The following ADCY2 variants were observed in gnomAD, a reference collection of about 807,000 sequenced individuals.
ADCY2 encodes the protein adenylate cyclase type 2.
In ADCY2, 31 loss-of-function variants were observed where a neutral mutation model predicts 125.2. That is an observed-to-expected ratio of 0.25 (90% CI 0.19 to 0.33). The LOEUF (loss-of-function observed/expected upper bound fraction) is 0.33, where lower values mean the gene tolerates loss of function less well. ADCY2 is among the 10% of genes least tolerant of loss of function. The probability of loss-of-function intolerance (pLI) is 1.00; values close to 1 mark genes in which losing one functional copy is unlikely to be tolerated. For synonymous variants in ADCY2, 512 were observed against 548.4 expected, an observed-to-expected ratio of 0.93 and a Z score of 0.93; for missense variants, 904 against 1,418.2, an observed-to-expected ratio of 0.64 and a Z score of 5.82.
intron 24 of ADCY2, among the ~76,000 whole-genome samples, chr5:7,825,223 C>CCACGACAACGCTGCTGTGTGA: frequency 6.8e-6 from 1 of 146,374 alleles, no homozygotes; most frequent in African/African-American, 2.7e-5. Flanking sequence ...CTGCTGTGCG[C>CCACGACAACGCTGCTGTGTGA]CACGACAACG....
chr5:7,729,373 C>T (rs1258444374), intron 14 of ADCY2, among the ~76,000 whole-genome samples: 1 of 151,990 alleles, frequency 6.6e-6, no homozygotes, highest in East Asian at 1.9e-4. Context: ...TTTGGGTATG[C>T]TTCCTTTAAA....
At chr5:7,592,828 G>T (rs370058917) in intron 3 of ADCY2, among the ~76,000 whole-genome samples, 16 of 152,226 alleles carry the variant, frequency 1.1e-4, no homozygotes, top group African/African-American at 3.9e-4. Flanking sequence ...TCCTTTAACT[G>T]TGTAGAACAT....
At chr5:7,497,585 A>T (rs1743385967) in intron 2 of ADCY2, among the ~76,000 whole-genome samples, 1 of 152,184 alleles carries the variant, frequency 6.6e-6, no homozygotes, top group Admixed American at 6.5e-5. Flanking sequence ...AAAGCATCCA[A>T]AAGTCATTCA....
At chr5:7,567,929 TTCTCTCTCTC>T (rs10590625) in intron 3 of ADCY2, among the ~76,000 whole-genome samples, 120 of 146,564 alleles carry the variant, frequency 8.2e-4, no homozygotes, top group African/African-American at 2.4e-3. Flanking sequence ...CGTCCTCTCT[TTCTCTCTCTC>T]TCTCTCTCTC....
rs1328310917 is a variant in ADCY2 at position 7,520,997 on chromosome 5, ACCTGCAGCTGTTC to A, written c.570+102_570+114del. The A allele has an allele frequency of 3.5e-6, 5 of 1,448,632 alleles. No individual in the cohort carries two copies. In the African/African-American group the frequency reaches 6.9e-5, roughly 20 times the overall value. 89.7% of individuals were successfully genotyped at this position (1,448,632 alleles called of 1,614,324 possible). ...CCATTCAGGGTGTGTGTAGTGTGGT[ACCTGCAGCTGTTC>A]CCTTTCTGCCCCTTGAGACTGACCC... On this transcript the variant is annotated intron_variant, in intron 3 of 24. Transcript: ENST00000338316.
Position 7,520,888 on chromosome 5 carries a change from C to G in ADCY2, c.559C>G (p.Leu187Val), listed in dbSNP as rs759496903. Reference sequence around the variant, plus strand: ...TGCAACACCGGGAGGCAAGGAGCACCTGGTCTGGCAGGTGGGTGCACCTCC... The same window carrying G: ...TGCAACACCGGGAGGCAAGGAGCACGTGGTCTGGCAGGTGGGTGCACCTCC... ...LSATPGGKEH[L>V]VWQILANVII... The change falls in exon 3 of 25, where the codon CTG becomes GTG. Residue 187 changes from leucine (L) to valine (V), a missense_variant. By Grantham distance (32) the Leu-to-Val change is conservative. This residue lies in a region of ADCY2 where 121 missense variants were observed against 161.5 expected (regional missense o/e 0.75). Transcript: ENST00000338316. The G allele has an allele frequency of 6.2e-7, 1 of 1,614,092 alleles. No individual in the cohort carries two copies. Among genetic ancestry groups the G allele is most frequent in the Non-Finnish European group, 8.5e-7 (1 of 1,180,034 alleles).
intron 7 of ADCY2, among the ~76,000 whole-genome samples, chr5:7,704,495 G>T: frequency 6.6e-6 from 1 of 152,108 alleles, no homozygotes; most frequent in African/African-American, 2.4e-5. Context: ...CTCTTAAACT[G>T]TACTGTTTAC....
intron 3 of ADCY2, among the ~76,000 whole-genome samples, chr5:7,601,222 C>G (rs1427339322): frequency 6.6e-6 from 1 of 152,128 alleles, no homozygotes; most frequent in Non-Finnish European, 1.5e-5. Context: ...CCCTCACCAC[C>G]TGATCCAGGT....
chr5:7,798,207 G>C (rs1339567737), intron 20 of ADCY2: 1 of 152,352 alleles, frequency 6.6e-6, no homozygotes, highest in African/African-American at 2.4e-5. Flanking sequence ...GGGTAGTGAG[G>C]AGCAGGAGGG....
chr5:7,570,802 T>A (rs1378147181), intron 3 of ADCY2, among the ~76,000 whole-genome samples: 1 of 152,188 alleles, frequency 6.6e-6, no homozygotes, highest in Non-Finnish European at 1.5e-5. Context: ...TTTAACTTAA[T>A]TTCATGGGAG....
intron 2 of ADCY2, among the ~76,000 whole-genome samples, chr5:7,466,333 A>T (rs1414190595): frequency 6.6e-6 from 1 of 152,112 alleles, no homozygotes; most frequent in Non-Finnish European, 1.5e-5. Flanking sequence ...TGTACATAGC[A>T]ACTAATATCT....
chr5:7,659,233 A>T (rs1739445259), intron 4 of ADCY2, among the ~76,000 whole-genome samples: 2 of 152,196 alleles, frequency 1.3e-5, no homozygotes. Context: ...GCAGCTGTTC[A>T]CTCTATTCAA....
chr5:7,776,064 G>C (rs930986664), intron 18 of ADCY2, among the ~76,000 whole-genome samples: 5 of 152,060 alleles, frequency 3.3e-5, no homozygotes, highest in African/African-American at 1.2e-4. Context: ...ACCAATCAAT[G>C]TCAATGTTTT....
chr5:7,700,526 C>T (rs1187045324), intron 7 of ADCY2, among the ~76,000 whole-genome samples: 3 of 149,898 alleles, frequency 2.0e-5, no homozygotes, highest in South Asian at 2.1e-4. Context: ...ATCTGAACAG[C>T]GTTGGAATTG....
chr5:7,807,166 C>T lies in ADCY2; in HGVS notation c.2883+2474C>T, dbSNP rs145632628. On this transcript the variant is annotated intron_variant, in intron 22 of 24. Coordinates refer to ENST00000338316, the MANE Select transcript of ADCY2 (RefSeq NM_020546.3). ...CTGTTCCACAATCAGTGTCACTCTA[C>T]AGCCCAGGGTGCGTGTCTGCCTGTT... Among the ~76,000 whole-genome samples the T allele has an allele frequency of 3.4e-3, 513 of 152,352 alleles. 2 individuals carry two copies. Among genetic ancestry groups the T allele is most frequent in the African/African-American group, 5.7e-3 (236 of 41,580 alleles).
chr5:7,676,478 GTTTAC>G (rs1740131373), intron 4 of ADCY2, among the ~76,000 whole-genome samples: 1 of 150,292 alleles, frequency 6.7e-6, no homozygotes, highest in African/African-American at 2.5e-5. Context: ...TCTAATTTTT[GTTTAC>G]TTTAATTTTC....
intron 2 of ADCY2, among the ~76,000 whole-genome samples, chr5:7,416,972 A>G (rs1739973519): frequency 6.6e-6 from 1 of 152,164 alleles, no homozygotes; most frequent in African/African-American, 2.4e-5. Context: ...TCAGTTTGTC[A>G]TGTTCAATGA....
chr5:7,561,568 T>TTTTTTTTTTTGAGACGGAGTCTCGCTC (rs61118972), intron 3 of ADCY2, among the ~76,000 whole-genome samples: 1 of 151,858 alleles, frequency 6.6e-6, no homozygotes, highest in Admixed American at 6.5e-5. Flanking sequence ...ATGTGAACTT[T>TTTTTTTTTTTGAGACGGAGTCTCGCTC]TAGAATGTGA....
chr5:7,441,830 G>A (rs1741026911), intron 2 of ADCY2, among the ~76,000 whole-genome samples: 1 of 152,142 alleles, frequency 6.6e-6, no homozygotes, highest in Non-Finnish European at 1.5e-5. Context: ...CAGCTGGAAG[G>A]CCTTAAGAGC....
Sources: gnomAD v4.1 joint callset for allele counts (sites outside exome capture counted in the v4.1 genomes callset) on GRCh38, gnomAD v4.1.1 for gene constraint, gnomAD v4.1.1 regional missense constraint, MANE v1.5 for transcripts, NCBI Gene and HGNC (gene_info 2026-07-23, HGNC 2026-07-21) for gene names.